Variants in CPLANE1 observed in about 807,000 individuals in gnomAD.
The protein encoded by CPLANE1 is ciliogenesis and planar polarity effector complex subunit 1, also known as ciliogenesis and planar polarity effector 1.
CPLANE1 carries 263 observed loss-of-function variants against 362.5 expected under a neutral mutation model. The ratio of observed to expected loss-of-function variants is 0.73; its 90% CI spans 0.66 to 0.80. The LOEUF (loss-of-function observed/expected upper bound fraction) is 0.80. CPLANE1 is among the 30% of genes least tolerant of loss of function. The probability of loss-of-function intolerance (pLI) is 0.00; values close to 1 mark genes in which losing one functional copy is unlikely to be tolerated. For missense variants in CPLANE1, 3,461 were observed against 3,793.4 expected, an observed-to-expected ratio of 0.91 and a Z score of 2.30; for synonymous variants, 1,212 against 1,302.6, an observed-to-expected ratio of 0.93 and a Z score of 1.50.
chr5:37,227,417 T>G, intron 10 of CPLANE1, 25 bp from the exon 11 acceptor site: 2 of 1,514,862 alleles, frequency 1.3e-6, no homozygotes, highest in Non-Finnish European at 1.8e-6. Context: ...ATGAAAGATT[T>G]CCAAGAGCAA....
chr5:37,135,524 G>A (rs528380018), intron 46 of CPLANE1, among the ~76,000 whole-genome samples: 4 of 152,222 alleles, frequency 2.6e-5, no homozygotes, highest in African/African-American at 9.6e-5. Flanking sequence ...CCCAGCAAAA[G>A]GGGAAGTCCC....
rs1208042566 is a variant in CPLANE1 at position 37,182,957 on chromosome 5, T to A, written c.5224A>T (p.Ser1742Cys). Residue 1742 changes from serine to cysteine, a missense_variant, in exon 26 of 53, where the codon AGT becomes TGT. Physicochemically the swap from Ser to Cys is moderately radical, Grantham distance 112 (BLOSUM62 -1). Transcript: ENST00000651892. ...ATCCATTCCAGCAGTCTTCCTATAC[T>A]GCCAAAAGTGTTTAGTGCTAAAGGA... ...DLPLALNTFG[S>C]IGRLLEWMIR... The A allele has an allele frequency of 4.4e-6, 7 of 1,605,720 alleles. No individual in the cohort carries two copies. Among genetic ancestry groups the A allele is most frequent in the Non-Finnish European group, 6.0e-6 (7 of 1,176,278 alleles).
intron 14 of CPLANE1, among the ~76,000 whole-genome samples, chr5:37,222,305 T>TAG (rs1360852607): frequency 8.5e-5 from 13 of 152,206 alleles, no homozygotes; most frequent in African/African-American, 3.1e-4. Flanking sequence ...AAATGCAACC[T>TAG]TTCTAGCTCT....
At chr5:37,143,119 A>G (rs1338418861) in intron 43 of CPLANE1, among the ~76,000 whole-genome samples, 1 of 152,256 alleles carries the variant, frequency 6.6e-6, no homozygotes, top group East Asian at 1.9e-4. Flanking sequence ...AATAAAGTAC[A>G]GCAACCCCAA....
At chr5:37,224,360 T>C (rs1329738288) in intron 13 of CPLANE1, 27 bp from the exon 14 acceptor site, 2 of 1,456,952 alleles carry the variant, frequency 1.4e-6, no homozygotes, top group African/African-American at 2.8e-5. Flanking sequence ...CAACAATTAG[T>C]CATAGTTAAT....
chr5:37,103,569 T>G (rs1757399509), downstream of CPLANE1, among the ~76,000 whole-genome samples: 1 of 152,216 alleles, frequency 6.6e-6, no homozygotes, highest in Non-Finnish European at 1.5e-5. Flanking sequence ...TTGGTGGAGA[T>G]GTATTCCCTC....
chr5:37,225,161 C>T (rs1301222715), intron 12 of CPLANE1, among the ~76,000 whole-genome samples: 2 of 151,910 alleles, frequency 1.3e-5, no homozygotes, highest in African/African-American at 2.4e-5. Context: ...CCTCAACCTC[C>T]TGGGTTCAAG....
chr5:37,241,703 T>C (rs1800546457), intron 6 of CPLANE1, among the ~76,000 whole-genome samples: 1 of 152,170 alleles, frequency 6.6e-6, no homozygotes, highest in Admixed American at 6.5e-5. Flanking sequence ...TTGAACTCAC[T>C]GCAACCTGGA....
At chr5:37,230,689 G>C (rs1797547274) in intron 9 of CPLANE1, among the ~76,000 whole-genome samples, 178 bp downstream of exon 9, 1 of 151,728 alleles carries the variant, frequency 6.6e-6, no homozygotes, top group Admixed American at 6.6e-5. Context: ...TTTTCACCAG[G>C]ATTAAGCCAC....
chr5:37,095,866 A>T, the CPLANE1 span, among the ~76,000 whole-genome samples: 1 of 152,194 alleles, frequency 6.6e-6, no homozygotes, highest in African/African-American at 2.4e-5. Flanking sequence ...AATATACCTA[A>T]CCCAGGAGGT....
intron 21 of CPLANE1, among the ~76,000 whole-genome samples, chr5:37,189,522 A>G (rs553504754): frequency 4.6e-5 from 7 of 152,314 alleles, no homozygotes; most frequent in Admixed American, 2.6e-4. Flanking sequence ...GCTGGGATAG[A>G]ACTAAGGCCA....
intron 16 of CPLANE1, chr5:37,211,734 C>A (rs916636255): frequency 3.8e-6 from 3 of 780,338 alleles, no homozygotes; most frequent in Admixed American, 1.7e-5. Flanking sequence ...CTTCTCCAGC[C>A]CTCCGGAGCA....
Position 37,179,475 on chromosome 5 carries a change from A to G in CPLANE1, c.5738-32T>C, listed in dbSNP as rs778155483. ...ATAAGTGAAGATGAAGAGAAAACTG[A>G]TCATTTAAAAAATAAGCTATTGACT... On this transcript the variant is annotated intron_variant, in intron 28 of 52. Transcript: ENST00000651892. 3.4e-6 allele frequency: 5 copies of G among 1,460,262 alleles called. No individual in the cohort carries two copies. In the South Asian group the frequency reaches 4.8e-5, roughly 14 times the overall value. 90.5% of individuals were successfully genotyped at this position (1,460,262 alleles called of 1,614,324 possible). A position where few individuals can be genotyped will look rare whatever the true frequency, so the allele number is the denominator to read the frequency against.
chr5:37,185,836 G>A (rs1368053074), intron 24 of CPLANE1, among the ~76,000 whole-genome samples: 1 of 152,124 alleles, frequency 6.6e-6, no homozygotes. Context: ...TAAGAAATGT[G>A]TGTATTCTAA....
chr5:37,138,143 A>G (rs921945727), intron 46 of CPLANE1, among the ~76,000 whole-genome samples: 1 of 152,302 alleles, frequency 6.6e-6, no homozygotes, highest in African/African-American at 2.4e-5. Context: ...GGGGTGTTGA[A>G]GTCCCCCACT....
chr5:37,169,459 G>T lies in CPLANE1; in HGVS notation c.6565C>A (p.Pro2189Thr), dbSNP rs750344707. 37 of 1,614,078 alleles carry T rather than the reference G, an allele frequency of 2.3e-5. No homozygotes were observed. Among genetic ancestry groups the T allele is most frequent in the Non-Finnish European group, 2.7e-5 (32 of 1,180,038 alleles). ...SQNLPSTSFY[P>T]APAGNTHLYL... ...AGGTGAGTATTTCCAGCAGGAGCTGGATAAAACGAAGTGGATGGTAAGTTT... is the reference window on the plus strand; with the variant it reads ...AGGTGAGTATTTCCAGCAGGAGCTGTATAAAACGAAGTGGATGGTAAGTTT... Residue 2189 changes from proline to threonine, a missense_variant, in exon 34 of 53, where the codon CCA becomes ACA. By Grantham distance (38) the Pro-to-Thr change is conservative. Coordinates refer to ENST00000651892, the MANE Select transcript of CPLANE1 (RefSeq NM_001384732.1).
At chr5:37,210,209 T>A in intron 16 of CPLANE1, 3 of 1,567,294 alleles carry the variant, frequency 1.9e-6, no homozygotes, top group Admixed American at 1.7e-5. Flanking sequence ...CAAAAGAGAT[T>A]TATGCTCAAA....
intron 42 of CPLANE1, among the ~76,000 whole-genome samples, chr5:37,152,687 G>A (rs892896201): frequency 6.6e-6 from 1 of 152,022 alleles, no homozygotes; most frequent in African/African-American, 2.4e-5. Flanking sequence ...AGAATTCAAG[G>A]CTAGTTCAAG....
intron 14 of CPLANE1, among the ~76,000 whole-genome samples, chr5:37,222,376 C>A (rs1370692160): frequency 6.6e-6 from 1 of 152,128 alleles, no homozygotes; most frequent in Admixed American, 6.5e-5. Flanking sequence ...GTCCAGGAAC[C>A]ATCTTAGCTT....
Sources: gnomAD v4.1 joint callset for allele counts (sites outside exome capture counted in the v4.1 genomes callset) on GRCh38, gnomAD v4.1.1 for gene constraint, MANE v1.5 for transcripts, NCBI Gene and HGNC (gene_info 2026-07-23, HGNC 2026-07-21) for gene names.